KCNIP4: variants seen among roughly 807,000 people sequenced by gnomAD.
KCNIP4 encodes the protein Kv channel-interacting protein 4.
Under a neutral mutation model 34.0 loss-of-function variants are expected in KCNIP4, and 12 were observed. That is an observed-to-expected ratio of 0.35 (90% CI 0.23 to 0.57). KCNIP4 has a LOEUF of 0.57. Ranked by LOEUF, KCNIP4 falls within the 20% of genes least tolerant of loss-of-function variation. KCNIP4 has a pLI of 0.83. For missense variants in KCNIP4, 238 were observed against 311.7 expected, an observed-to-expected ratio of 0.76 and a Z score of 1.78; for synonymous variants, 124 against 102.2, an observed-to-expected ratio of 1.21 and a Z score of -1.29.
At chr4:21,636,815 C>T (rs1746209428) in intron 1 of KCNIP4, among the ~76,000 whole-genome samples, 1 of 152,142 alleles carries the variant, frequency 6.6e-6, no homozygotes, top group Non-Finnish European at 1.5e-5. Flanking sequence ...GAAGCTACAA[C>T]AAATTACTTA....
chr4:21,482,544 A>G (rs1463487853), intron 1 of KCNIP4, among the ~76,000 whole-genome samples: 8 of 152,072 alleles, frequency 5.3e-5, no homozygotes. Context: ...TTGTCTGTAA[A>G]GTATTTTATT....
intron 1 of KCNIP4, among the ~76,000 whole-genome samples, chr4:21,112,049 C>CTATCTATCTATCTATCTATATATA (rs1553940038): frequency 4.0e-5 from 6 of 151,708 alleles, no homozygotes; most frequent in African/African-American, 1.5e-4. Context: ...ATCTATCTAT[C>CTATCTATCTATCTATCTATATATA]TATCTATCTA....
At position 20,987,190 on chromosome 4, in the gene KCNIP4, G is replaced by C. The variant is rs73805250; in HGVS notation, c.62-104481C>G. 9.9e-3 allele frequency among the ~76,000 whole-genome samples: 1,501 copies of C among 152,266 alleles called. 24 individuals are homozygous for C. Among genetic ancestry groups the C allele is most frequent in the African/African-American group, 0.034 (1,414 of 41,536 alleles). On this transcript the variant is annotated intron_variant, in intron 1 of 8. Transcript: ENST00000382152. ...GTGGGAGGATAACTTAGGAGTTTGA[G>C]ACCAGTCTGGGGAACATAGTGAGAC...
chr4:20,881,192 C>T (rs891610239), intron 2 of KCNIP4, among the ~76,000 whole-genome samples: 3 of 152,068 alleles, frequency 2.0e-5, no homozygotes, highest in African/African-American at 7.2e-5. Context: ...TGATATATCA[C>T]CTTTGGTCAG....
intron 1 of KCNIP4, among the ~76,000 whole-genome samples, chr4:21,419,849 T>C (rs1042500375): frequency 6.6e-6 from 1 of 152,178 alleles, no homozygotes; most frequent in South Asian, 2.1e-4. Context: ...TCCCAGTCCA[T>C]GCAGAAATTG....
At chr4:21,129,701 T>C (rs1750912965) in intron 1 of KCNIP4, among the ~76,000 whole-genome samples, 1 of 152,184 alleles carries the variant, frequency 6.6e-6, no homozygotes, top group Admixed American at 6.6e-5. Context: ...ACGAAAGTTC[T>C]CAACCTTGGG....
At chr4:21,679,562 C>A (rs1403782102) in intron 1 of KCNIP4, among the ~76,000 whole-genome samples, 1 of 152,204 alleles carries the variant, frequency 6.6e-6, no homozygotes, top group Non-Finnish European at 1.5e-5. Context: ...GAATGTATCT[C>A]TTGCCACCAA....
chr4:21,581,022 T>C (rs1332892847), intron 1 of KCNIP4, among the ~76,000 whole-genome samples: 1 of 152,096 alleles, frequency 6.6e-6, no homozygotes, highest in Non-Finnish European at 1.5e-5. Flanking sequence ...GCATGTTCAA[T>C]TTATTTTATC....
chr4:21,127,359 T>C (rs887878399), intron 1 of KCNIP4, among the ~76,000 whole-genome samples: 2 of 152,236 alleles, frequency 1.3e-5, no homozygotes, highest in Middle Eastern at 3.2e-3. Flanking sequence ...ATTCCTTCTT[T>C]TGGGGTTTGC....
Position 21,770,330 on chromosome 4 carries a change from G to A in KCNIP4, c.61+178241C>T, listed in dbSNP as rs577656151. 1.6e-3 allele frequency among the ~76,000 whole-genome samples: 248 copies of A among 152,206 alleles called. 2 individuals carry two copies. The highest frequency in any genetic ancestry group is 2.7e-3 in the Non-Finnish European group (182 of 68,020). Reference sequence around the variant, plus strand: ...TTTTATGGCTGCATAGTATTCCATGGTGTATATGTACCACATTTTCTTTAT... The same window carrying A: ...TTTTATGGCTGCATAGTATTCCATGATGTATATGTACCACATTTTCTTTAT... On this transcript the variant is annotated intron_variant, in intron 1 of 8. Transcript: ENST00000382152.
intron 2 of KCNIP4, among the ~76,000 whole-genome samples, chr4:20,875,827 G>T (rs1723956083): frequency 6.6e-6 from 1 of 152,084 alleles, no homozygotes; most frequent in Non-Finnish European, 1.5e-5. Flanking sequence ...AATGCTGATG[G>T]TTTCTCTGCC....
chr4:21,790,140 G>A (rs766428389), intron 1 of KCNIP4, among the ~76,000 whole-genome samples: 4 of 152,124 alleles, frequency 2.6e-5, no homozygotes, highest in Non-Finnish European at 4.4e-5. Flanking sequence ...TACTGCTTGC[G>A]TGAGTATTAA....
intron 1 of KCNIP4, chr4:21,582,027 A>AGAATAGAATAGAATAGAATGGAATG (rs1741247929): frequency 3.5e-4 from 40 of 113,158 alleles, no homozygotes; most frequent in African/African-American, 1.1e-3. Context: ...AGAATAGAAT[A>AGAATAGAATAGAATAGAATGGAATG]GAATGGAATG....
chr4:21,546,601 T>A lies in KCNIP4; in HGVS notation c.61+401970A>T, dbSNP rs193245052. 4.8e-4 allele frequency among the ~76,000 whole-genome samples: 73 copies of A among 152,262 alleles called. No individual in the cohort carries two copies. The East Asian group carries it at 8.3e-3, about 17-fold the overall frequency. On this transcript the variant is annotated intron_variant, in intron 1 of 8. Transcript: ENST00000382152. Reference sequence around the variant, plus strand: ...GTTTTTCTTAAAAGGTATTTGCATTTCCTAATTGGCATATTATTTCATAAT... The same window carrying A: ...GTTTTTCTTAAAAGGTATTTGCATTACCTAATTGGCATATTATTTCATAAT...
At chr4:21,139,022 T>C (rs933869493) in intron 1 of KCNIP4, among the ~76,000 whole-genome samples, 23 of 152,364 alleles carry the variant, frequency 1.5e-4, no homozygotes, top group African/African-American at 5.3e-4. Flanking sequence ...ATTAAGTCTA[T>C]GGTAATTGAT....
intron 1 of KCNIP4, among the ~76,000 whole-genome samples, chr4:21,545,732 G>C (rs1033512539): frequency 6.6e-6 from 1 of 152,120 alleles, no homozygotes; most frequent in Admixed American, 6.6e-5. Context: ...TTTTATGGCT[G>C]CATAGTATTC....
intron 1 of KCNIP4, among the ~76,000 whole-genome samples, chr4:21,393,180 C>T (rs1045001986): frequency 6.6e-6 from 1 of 152,162 alleles, no homozygotes; most frequent in Non-Finnish European, 1.5e-5. Flanking sequence ...TATTAGAAAA[C>T]TCTCTTTCAA....
rs955176125 is a variant in KCNIP4 at position 21,945,686 on chromosome 4, GT to G, written c.61+2884del. Among the ~76,000 whole-genome samples, 109 of 148,860 alleles carry G rather than the reference GT, an allele frequency of 7.3e-4. 1 individual carries two copies. Among genetic ancestry groups the G allele is most frequent in the African/African-American group, 1.6e-3 (63 of 40,614 alleles). On this transcript the variant is annotated intron_variant, in intron 1 of 8. Transcript: ENST00000382152. ...AAGGACACCAATGAATAATTTTGTA[GT>G]TTTTTTTTTCCTCTGACCTTGTTTC...
rs141128782 is a variant in KCNIP4, at chr4:20,896,880, G to A, written c.62-14171C>T. On this transcript the variant is annotated intron_variant, in intron 1 of 8. Coordinates refer to ENST00000382152, the MANE Select transcript of KCNIP4 (RefSeq NM_025221.6). The stretch of plus-strand genomic sequence containing the variant: ...GAACAATGTCTGCACACACAGAATC[G>A]CCAAAATGTAAGACAAGGGGCTCTA... Among the ~76,000 whole-genome samples, 71 of 150,884 alleles carry A rather than the reference G, an allele frequency of 4.7e-4. 1 individual carries two copies. The East Asian group carries it at 0.01, about 22-fold the overall frequency.
Sources: allele counts gnomAD v4.1 joint callset (sites outside exome capture counted in the v4.1 genomes callset), GRCh38; gene constraint gnomAD v4.1.1; transcripts MANE v1.5; gene names NCBI Gene and HGNC (gene_info 2026-07-23, HGNC 2026-07-21).